The following HK1 variants were observed in gnomAD, a reference collection of about 807,000 sequenced individuals.
HK1 encodes the protein hexokinase 1, also known as hexokinase-1.
In HK1, 28 loss-of-function variants were observed where a neutral mutation model predicts 91.6. The observed-to-expected ratio is 0.31, with a 90% CI of 0.23 to 0.42. HK1 has a LOEUF of 0.42. Among genes scored for constraint, HK1 ranks in the 10% least tolerant of loss-of-function variants. The pLI, the probability that HK1 is intolerant of heterozygous loss-of-function variation, is 1.00. For missense variants in HK1, 770 were observed against 1,219.8 expected, an observed-to-expected ratio of 0.63 and a Z score of 5.49; for synonymous variants, 430 against 468.1, an observed-to-expected ratio of 0.92 and a Z score of 1.05.
intron 16 of HK1, among the ~76,000 whole-genome samples, chr10:69,395,404 C>CG (rs1840089761): frequency 6.6e-6 from 1 of 152,008 alleles, no homozygotes; most frequent in South Asian, 2.1e-4. Context: ...TGGTGAAACC[C>CG]GATCTCTACT....
intron 4 of HK1, chr10:69,295,801 C>T (rs1845536357): frequency 2.7e-6 from 2 of 731,932 alleles, no homozygotes; most frequent in African/African-American, 3.5e-5. Context: ...GTGGCTTCTC[C>T]AGGGTGTGGA....
At chr10:69,394,491 G>A (rs1463012918) in intron 15 of HK1, among the ~76,000 whole-genome samples, 3 of 152,174 alleles carry the variant, frequency 2.0e-5, no homozygotes, top group Non-Finnish European at 2.9e-5. Context: ...GTGCCCTGGG[G>A]ACTCAGAGCT....
At position 69,369,502 on chromosome 10, in the gene HK1, C is replaced by T. The variant is rs143391625; in HGVS notation, c.753C>T (p.Asp251=). The change falls in exon 7 of 18, where the codon GAC becomes GAT. Residue 251 remains aspartate, a synonymous_variant. Transcript: ENST00000359426. The surrounding 1 kb of genome is among the most constrained non-coding windows in gnomAD (Gnocchi z 4.4). ...GGCACATTGATCTGGTGGAAGGAGA[C>T]GAGGGGAGGATGTGTATCAATACAG... ...ELRHIDLVEG[D]EGRMCINTEW... 7.2e-5 allele frequency: 117 copies of T among 1,613,958 alleles called. No individual in the cohort carries two copies. The highest frequency in any genetic ancestry group is 3.3e-4 in the Middle Eastern group (2 of 6,084).
intron 3 of HK1, among the ~76,000 whole-genome samples, chr10:69,361,030 C>G (rs1413207477): frequency 1.5e-5 from 2 of 129,460 alleles, no homozygotes; most frequent in African/African-American, 2.9e-5. Context: ...AGATGAGACC[C>G]AGGAGCCTTC....
chr10:69,272,850 T>A (rs71478887), intron 1 of HK1, among the ~76,000 whole-genome samples: 4 of 151,842 alleles, frequency 2.6e-5, no homozygotes, highest in African/African-American at 9.7e-5. Flanking sequence ...TCTTTCATTG[T>A]TTTTTTGAAA....
chr10:69,320,924 C>A (rs765165305), intron 1 of HK1, among the ~76,000 whole-genome samples: 1 of 152,114 alleles, frequency 6.6e-6, no homozygotes, highest in East Asian at 1.9e-4. Context: ...ATCTCCTAGG[C>A]CCCCGTAGGT....
chr10:69,374,834 G>A (rs61870059), intron 7 of HK1, among the ~76,000 whole-genome samples: 3 of 152,122 alleles, frequency 2.0e-5, no homozygotes, highest in Admixed American at 1.3e-4. Flanking sequence ...TGATGTTAGC[G>A]CATCCTATGG....
At chr10:69,370,657 T>C (rs1418160683) in intron 7 of HK1, among the ~76,000 whole-genome samples, 2 of 152,120 alleles carry the variant, frequency 1.3e-5, no homozygotes, top group Non-Finnish European at 2.9e-5. Flanking sequence ...AGGGCAGACA[T>C]GCAAATATCT....
intron 7 of HK1, among the ~76,000 whole-genome samples, chr10:69,376,669 G>A (rs1415916489): frequency 6.6e-6 from 1 of 152,202 alleles, no homozygotes; most frequent in Non-Finnish European, 1.5e-5. Flanking sequence ...CCTTCAGGCA[G>A]CCTTCCCTGC....
chr10:69,341,151 T>C (rs1055098872), intron 1 of HK1, among the ~76,000 whole-genome samples: 1 of 151,940 alleles, frequency 6.6e-6, no homozygotes, highest in Non-Finnish European at 1.5e-5. Flanking sequence ...AAAATATATA[T>C]ACATATTTCT....
At chr10:69,350,935 C>T (rs1378834019) in intron 2 of HK1, among the ~76,000 whole-genome samples, 41 of 149,896 alleles carry the variant, frequency 2.7e-4, no homozygotes, top group African/African-American at 9.9e-4. Flanking sequence ...CTTTGGGAGG[C>T]CAAGGCAGGC....
At chr10:69,288,449 C>T (rs1276630066) in intron 2 of HK1, among the ~76,000 whole-genome samples, 6 of 152,194 alleles carry the variant, frequency 3.9e-5, no homozygotes, top group Middle Eastern at 3.4e-3. Flanking sequence ...GCTATGATGG[C>T]GCCACTGCAT....
chr10:69,314,021 G>T (rs532066615), upstream of HK1, among the ~76,000 whole-genome samples: 15 of 152,248 alleles, frequency 9.9e-5, no homozygotes, highest in African/African-American at 3.6e-4. Context: ...GGGGCTGGGT[G>T]GCCAGTGTCT....
intron 7 of HK1, among the ~76,000 whole-genome samples, chr10:69,371,547 G>A (rs1402414495): frequency 1.3e-5 from 2 of 152,180 alleles, no homozygotes; most frequent in African/African-American, 4.8e-5. Flanking sequence ...TCAGATAAGA[G>A]GTTATGTACC....
At chr10:69,349,517 C>G (rs1195941006) in intron 2 of HK1, among the ~76,000 whole-genome samples, 3 of 152,198 alleles carry the variant, frequency 2.0e-5, no homozygotes, top group Non-Finnish European at 4.4e-5. Flanking sequence ...AATGTGTAAG[C>G]CGAGCCCCTG....
Position 69,359,892 on chromosome 10 carries a change from A to C in HK1, c.227-5A>C, listed in dbSNP as rs896730410. The C allele has an allele frequency of 6.2e-7, 1 of 1,613,530 alleles. No individual in the cohort carries two copies. Among genetic ancestry groups the C allele is most frequent in the African/African-American group, 1.3e-5 (1 of 74,894 alleles). On this transcript the variant is annotated splice_polypyrimidine_tract_variant and splice_region_variant and intron_variant, in intron 2 of 17. Coordinates refer to ENST00000359426, the MANE Select transcript of HK1 (RefSeq NM_000188.3). The stretch of plus-strand genomic sequence containing the variant: ...TCATGTGATACCTGTTGTCTCCCTA[A>C]ACAGAAAAGGGAGATTTCATTGCCC...
intron 4 of HK1, chr10:69,300,301 T>C (rs1845794053): frequency 2.8e-6 from 1 of 358,102 alleles, no homozygotes; most frequent in Non-Finnish European, 5.1e-6. Flanking sequence ...TAATCATACA[T>C]ATGTACTCTC....
chr10:69,319,104 G>T, intron 1 of HK1, 94 bp downstream of exon 1: 1 of 1,410,930 alleles, frequency 7.1e-7, no homozygotes, highest in African/African-American at 1.4e-5. Context: ...TCCGGCGCCC[G>T]GCCTTCTCCG....
chr10:69,347,546 C>T (rs560568836), intron 2 of HK1, among the ~76,000 whole-genome samples: 4 of 151,914 alleles, frequency 2.6e-5, no homozygotes, highest in Middle Eastern at 3.4e-3. Flanking sequence ...AGCAATTCTC[C>T]GGCTTCAACT....
Sources: allele counts gnomAD v4.1 joint callset (sites outside exome capture counted in the v4.1 genomes callset), GRCh38; gene constraint gnomAD v4.1.1; non-coding constraint Gnocchi (gnomAD v3.1); transcripts MANE v1.5; gene names NCBI Gene and HGNC (gene_info 2026-07-23, HGNC 2026-07-21).